The following ZNF385D variants were observed in gnomAD, a reference collection of about 807,000 sequenced individuals.
The protein encoded by ZNF385D is zinc finger protein 385D, also known as zinc finger protein 659.
A neutral mutation model predicts 35.8 loss-of-function variants in ZNF385D; 15 were observed. The ratio of observed to expected loss-of-function variants is 0.42; its 90% confidence interval spans 0.28 to 0.64. The LOEUF (loss-of-function observed/expected upper bound fraction) is 0.64, where lower values mean the gene tolerates loss of function less well. Among genes scored for constraint, ZNF385D ranks in the 30% least tolerant of loss-of-function variants. The pLI is 0.23. For missense variants in ZNF385D, 474 were observed against 494.6 expected (o/e 0.96, Z 0.39); for synonymous variants, 212 against 186.8 (o/e 1.13, Z -1.10).
chr3:22,367,340 A>G (rs1696701729), intron 2 of ZNF385D, among the ~76,000 whole-genome samples: 1 of 152,206 alleles, frequency 6.6e-6, no homozygotes, highest in Non-Finnish European at 1.5e-5. Context: ...CAGCCCGTCT[A>G]GTTCTTAAAC....
intron 4 of ZNF385D, among the ~76,000 whole-genome samples, chr3:21,508,535 T>C (rs1706958031): frequency 6.6e-6 from 1 of 152,150 alleles, no homozygotes; most frequent in Non-Finnish European, 1.5e-5. Context: ...ATATTTGTTA[T>C]ATATTAACTA....
intron 3 of ZNF385D, among the ~76,000 whole-genome samples, chr3:21,894,798 T>C (rs1031076289): frequency 6.6e-5 from 10 of 152,106 alleles, no homozygotes; most frequent in Admixed American, 3.9e-4. Flanking sequence ...TAGGTGAGCA[T>C]ATAACTGCAG....
chr3:22,358,063 T>C (rs1453905957), intron 2 of ZNF385D, among the ~76,000 whole-genome samples: 1 of 151,918 alleles, frequency 6.6e-6, no homozygotes, highest in Non-Finnish European at 1.5e-5. Context: ...CCTTATGCAG[T>C]ACTGGGCACT....
chr3:21,826,080 G>A (rs565665803), intron 3 of ZNF385D, among the ~76,000 whole-genome samples: 1 of 152,232 alleles, frequency 6.6e-6, no homozygotes, highest in African/African-American at 2.4e-5. Flanking sequence ...CACAAAACTG[G>A]TCCCTAGTGC....
intron 2 of ZNF385D, among the ~76,000 whole-genome samples, chr3:22,236,209 A>G (rs1042603665): frequency 2.0e-5 from 3 of 152,206 alleles, no homozygotes; most frequent in African/African-American, 7.2e-5. Context: ...TATGTACAGA[A>G]ACATGTATAT....
chr3:21,944,389 C>G (rs1701675438), intron 3 of ZNF385D, among the ~76,000 whole-genome samples: 2 of 152,180 alleles, frequency 1.3e-5, no homozygotes, highest in African/African-American at 2.4e-5. Context: ...TTTGGGCAGT[C>G]AAGCTTTCAT....
chr3:22,043,107 C>A (rs954846752), intron 3 of ZNF385D, among the ~76,000 whole-genome samples: 3 of 152,134 alleles, frequency 2.0e-5, no homozygotes, highest in Non-Finnish European at 4.4e-5. Context: ...GAGAATAAAG[C>A]TGCAGTCATT....
intron 1 of ZNF385D, among the ~76,000 whole-genome samples, chr3:21,689,668 C>A (rs2067220541): frequency 6.6e-6 from 1 of 151,982 alleles, no homozygotes. Context: ...TGTGGTTAAT[C>A]CATATATAAG....
intron 3 of ZNF385D, among the ~76,000 whole-genome samples, chr3:21,916,106 G>A (rs2125918999): frequency 6.6e-6 from 1 of 151,982 alleles, no homozygotes; most frequent in African/African-American, 2.4e-5. Flanking sequence ...GAATATTGAA[G>A]GTATATTAGG....
At position 21,418,008 on chromosome 3, in the gene ZNF385D, A is replaced by G. The variant is rs1199247246; in HGVS notation, c.*3206T>C. 1 of 152,280 alleles carries G rather than the reference A, an allele frequency of 6.6e-6. No individual in the cohort carries two copies. The highest frequency in any genetic ancestry group is 1.5e-5 in the Non-Finnish European group (1 of 68,000). 9.4% of individuals were successfully genotyped at this position (152,280 alleles called of 1,614,324 possible). On this transcript the variant is annotated 3_prime_UTR_variant, in exon 8 of 8. Coordinates refer to ENST00000281523, the MANE Select transcript of ZNF385D (RefSeq NM_024697.3). ...AAGTTGAGGTCCAGTGAGAGGAGCA[A>G]TTTATCATGTGTAATTGCCTGTTTT...
intron 3 of ZNF385D, among the ~76,000 whole-genome samples, chr3:22,037,540 C>T (rs1007769551): frequency 2.0e-5 from 3 of 152,132 alleles, no homozygotes; most frequent in African/African-American, 7.2e-5. Context: ...ATATCCTTCA[C>T]CCACTTTTTG....
At chr3:21,943,571 A>T (rs1701637782) in intron 3 of ZNF385D, among the ~76,000 whole-genome samples, 1 of 151,934 alleles carries the variant, frequency 6.6e-6, no homozygotes, top group Non-Finnish European at 1.5e-5. Context: ...ATAAAAGAAA[A>T]ATAGCAACAT....
At chr3:22,065,695 C>G (rs772702998) in intron 3 of ZNF385D, among the ~76,000 whole-genome samples, 2 of 151,968 alleles carry the variant, frequency 1.3e-5, no homozygotes, top group African/African-American at 4.8e-5. Flanking sequence ...TATGTGTGTG[C>G]TGTGGGGGAA....
chr3:21,573,331 TA>T (rs932502907), intron 2 of ZNF385D, among the ~76,000 whole-genome samples: 1 of 152,134 alleles, frequency 6.6e-6, no homozygotes, highest in African/African-American at 2.4e-5. Flanking sequence ...ATGTACTGGT[TA>T]AAGTGAAAAT....
intron 2 of ZNF385D, among the ~76,000 whole-genome samples, chr3:21,570,008 G>C (rs1172038891): frequency 6.6e-6 from 1 of 151,330 alleles, no homozygotes; most frequent in African/African-American, 2.4e-5. Flanking sequence ...GTATACATAC[G>C]TAACTAACCT....
At chr3:21,790,997 C>T (rs762887389) in intron 3 of ZNF385D, among the ~76,000 whole-genome samples, 1 of 152,172 alleles carries the variant, frequency 6.6e-6, no homozygotes. Context: ...AAGAAATACA[C>T]AGAACTAGTG....
rs1192599586 is a variant in ZNF385D at position 21,555,214 on chromosome 3, A to G, written c.276+9360T>C. Among the ~76,000 whole-genome samples the G allele has an allele frequency of 2.8e-5, 4 of 141,746 alleles. No individual in the cohort carries two copies. In the South Asian group the frequency reaches 9.3e-4, roughly 33 times the overall value. The allele number at this position is 141,746 out of a possible 152,430, so 93.0% of individuals were successfully genotyped here. A position where few individuals can be genotyped will look rare whatever the true frequency, so the allele number is the denominator to read the frequency against. ...CACTTGAACACATACAGGCAATTGT[A>G]GTTTTTTTTTTTTTTTTAATACTTT... On this transcript the variant is annotated intron_variant, in intron 3 of 7. Coordinates refer to ENST00000281523, the MANE Select transcript of ZNF385D (RefSeq NM_024697.3).
intron 2 of ZNF385D, among the ~76,000 whole-genome samples, chr3:22,203,416 A>G (rs1160070265): frequency 6.6e-6 from 1 of 152,138 alleles, no homozygotes; most frequent in Non-Finnish European, 1.5e-5. Context: ...AGTGGGCTAT[A>G]CCGGCTTCAA....
At chr3:22,246,256 A>C (rs1699776499) in intron 2 of ZNF385D, among the ~76,000 whole-genome samples, 1 of 152,154 alleles carries the variant, frequency 6.6e-6, no homozygotes, top group Non-Finnish European at 1.5e-5. Context: ...TATAACTAAT[A>C]GCAAAATTAT....
Sources: allele counts gnomAD v4.1 joint callset (sites outside exome capture counted in the v4.1 genomes callset), GRCh38; gene constraint gnomAD v4.1.1; transcripts MANE v1.5; gene names NCBI Gene and HGNC (gene_info 2026-07-23, HGNC 2026-07-21).